Variants in GREB1L observed in about 807,000 individuals in gnomAD.
GREB1L encodes the protein GREB1-like protein.
In GREB1L, 17 loss-of-function variants were observed where a neutral mutation model predicts 200.8. The ratio of observed to expected loss-of-function variants is 0.08; its 90% CI spans 0.06 to 0.13. The LOEUF (loss-of-function observed/expected upper bound fraction) is 0.13. Ranked by LOEUF, GREB1L falls within the 10% of genes least tolerant of loss-of-function variation. The pLI is 1.00. For missense variants in GREB1L, 1,657 were observed against 2,367.7 expected, an observed-to-expected ratio of 0.70 and a Z score of 6.23; for synonymous variants, 789 against 893.0, an observed-to-expected ratio of 0.88 and a Z score of 2.08.
intron 1 of GREB1L, among the ~76,000 whole-genome samples, chr18:21,256,147 T>C (rs1245956613): frequency 6.6e-6 from 1 of 152,234 alleles, no homozygotes; most frequent in Non-Finnish European, 1.5e-5. Context: ...CTTTTGATTC[T>C]CTTTGTGGAA....
At chr18:21,370,349 TA>T (rs2039827501) in intron 2 of GREB1L, among the ~76,000 whole-genome samples, 1 of 152,102 alleles carries the variant, frequency 6.6e-6, no homozygotes, top group Non-Finnish European at 1.5e-5. Context: ...AATATCAATT[TA>T]AAAGAATAAA....
chr18:21,281,459 A>G (rs2038267979), intron 1 of GREB1L, among the ~76,000 whole-genome samples: 1 of 152,218 alleles, frequency 6.6e-6, no homozygotes, highest in African/African-American at 2.4e-5. Context: ...AGGAAGAGAA[A>G]ATAAATGCAT....
At chr18:21,494,213 A>T (rs2036456614) in intron 19 of GREB1L, among the ~76,000 whole-genome samples, 1 of 152,230 alleles carries the variant, frequency 6.6e-6, no homozygotes, top group Non-Finnish European at 1.5e-5. Context: ...AAACACGGGA[A>T]GTCTGTGAAA....
intron 1 of GREB1L, among the ~76,000 whole-genome samples, chr18:21,333,100 G>C (rs550730843): frequency 2.1e-4 from 32 of 151,976 alleles, no homozygotes; most frequent in African/African-American, 7.5e-4. Context: ...ACACGCGCGC[G>C]CGCGCGCGCA....
At chr18:21,520,478 A>T (rs2037572108) in intron 31 of GREB1L, among the ~76,000 whole-genome samples, 1 of 152,210 alleles carries the variant, frequency 6.6e-6, no homozygotes, top group Admixed American at 6.5e-5. Context: ...TAAATAAGAG[A>T]AGCTTTAAAC....
intron 1 of GREB1L, among the ~76,000 whole-genome samples, chr18:21,278,380 C>CAAAAAAA (rs550496435): frequency 9.4e-5 from 10 of 106,338 alleles, no homozygotes; most frequent in South Asian, 9.3e-4. Context: ...GACTCCATCT[C>CAAAAAAA]AAAAAAAAAA....
At chr18:21,425,219 C>A (rs1371544505) in intron 7 of GREB1L, among the ~76,000 whole-genome samples, 1 of 151,930 alleles carries the variant, frequency 6.6e-6, no homozygotes, top group Non-Finnish European at 1.5e-5. Flanking sequence ...TTGTCTTTCA[C>A]TTTCTTGATG....
intron 1 of GREB1L, among the ~76,000 whole-genome samples, chr18:21,260,507 CCTG>C (rs1323233334): frequency 6.6e-6 from 1 of 151,902 alleles, no homozygotes; most frequent in African/African-American, 2.4e-5. Flanking sequence ...CTTAAGTTAG[CCTG>C]CTAAATTTTA....
Position 21,508,370 on chromosome 18 carries a change from T to A in GREB1L, c.4531-17T>A. 6.4e-7 allele frequency: 1 copy of A among 1,551,254 alleles called. No individual in the cohort carries two copies. Among genetic ancestry groups the A allele is most frequent in the Non-Finnish European group, 8.7e-7 (1 of 1,146,772 alleles). ...CTTTAATTTCCCTTTATGGTCTGTT[T>A]TTTTCCCTTTCAGCAGAATTTGAAT... On this transcript the variant is annotated splice_polypyrimidine_tract_variant and intron_variant, in intron 26 of 32. Coordinates refer to ENST00000424526, the MANE Select transcript of GREB1L (RefSeq NM_001142966.3).
intron 1 of GREB1L, among the ~76,000 whole-genome samples, chr18:21,297,328 A>C (rs1436705760): frequency 6.6e-6 from 1 of 152,164 alleles, no homozygotes; most frequent in Non-Finnish European, 1.5e-5. Flanking sequence ...CTGTCCCCTC[A>C]AGCCATTAGG....
At chr18:21,292,432 G>T (rs192465635) in intron 1 of GREB1L, among the ~76,000 whole-genome samples, 131 of 152,170 alleles carry the variant, frequency 8.6e-4, no homozygotes, top group Non-Finnish European at 1.2e-3. Context: ...ATATTCAGAG[G>T]GTTGTACAAC....
intron 1 of GREB1L, among the ~76,000 whole-genome samples, chr18:21,258,392 A>G (rs922626241): frequency 6.6e-6 from 1 of 152,194 alleles, no homozygotes; most frequent in African/African-American, 2.4e-5. Flanking sequence ...GACCAAGCAC[A>G]TAGTTGCCCC....
At chr18:21,498,770 G>A (rs892040211) in intron 21 of GREB1L, among the ~76,000 whole-genome samples, 4 of 152,160 alleles carry the variant, frequency 2.6e-5, no homozygotes, top group Admixed American at 6.5e-5. Context: ...ACAGTGCTGC[G>A]GGGAGAAGGC....
chr18:21,491,156 A>G (rs2036318155), intron 19 of GREB1L, among the ~76,000 whole-genome samples: 1 of 151,956 alleles, frequency 6.6e-6, no homozygotes, highest in Admixed American at 6.6e-5. Flanking sequence ...TCAAATATCC[A>G]CCTACATGTC....
At chr18:21,301,896 C>T (rs2038623304) in intron 1 of GREB1L, among the ~76,000 whole-genome samples, 1 of 152,174 alleles carries the variant, frequency 6.6e-6, no homozygotes, top group South Asian at 2.1e-4. Context: ...TTTGCATGAT[C>T]TGGCCATTGC....
intron 15 of GREB1L, among the ~76,000 whole-genome samples, chr18:21,462,647 G>A (rs1486441596): frequency 6.6e-6 from 1 of 151,930 alleles, no homozygotes; most frequent in Non-Finnish European, 1.5e-5. Context: ...ACGGGGTTTC[G>A]CCATGTTGAC....
intron 4 of GREB1L, among the ~76,000 whole-genome samples, chr18:21,391,233 G>A (rs557693831): frequency 2.0e-5 from 3 of 152,182 alleles, no homozygotes; most frequent in Admixed American, 6.5e-5. Context: ...CTTTTATATC[G>A]TATTTTCACT....
intron 1 of GREB1L, among the ~76,000 whole-genome samples, chr18:21,305,349 T>G (rs569797996): frequency 6.6e-5 from 10 of 152,306 alleles, no homozygotes; most frequent in Admixed American, 2.6e-4. Context: ...TTCTTATTGA[T>G]TTACGTACCT....
At chr18:21,253,828 C>CTTTTTTTTTTTTTTTTTT (rs34861643) in intron 1 of GREB1L, among the ~76,000 whole-genome samples, 1 of 115,848 alleles carries the variant, frequency 8.6e-6, no homozygotes, top group African/African-American at 3.5e-5. Context: ...GACTTCCAGG[C>CTTTTTTTTTTTTTTTTTT]TTTTTTTTTT....
Sources: allele counts gnomAD v4.1 joint callset (sites outside exome capture counted in the v4.1 genomes callset), GRCh38; gene constraint gnomAD v4.1.1; transcripts MANE v1.5; gene names NCBI Gene and HGNC (gene_info 2026-07-23, HGNC 2026-07-21).